PPP1R12B: variants seen among roughly 807,000 people sequenced by gnomAD.
The protein encoded by PPP1R12B is myosin phosphatase target subunit 2.
Under a neutral mutation model 126.1 loss-of-function variants are expected in PPP1R12B, and 76 were observed. The observed-to-expected ratio is 0.60, with a 90% CI of 0.50 to 0.73. The LOEUF (loss-of-function observed/expected upper bound fraction) is 0.73. Among genes scored for constraint, PPP1R12B ranks in the 30% least tolerant of loss-of-function variants. The pLI, the probability that PPP1R12B is intolerant of heterozygous loss-of-function variation, is 0.00. For missense variants in PPP1R12B, 1,052 were observed against 1,205.1 expected (o/e 0.87, Z 1.88); for synonymous variants, 356 against 434.7 (o/e 0.82, Z 2.25).
At chr1:202,418,975 T>C (rs1262484115) in intron 2 of PPP1R12B, among the ~76,000 whole-genome samples, 1 of 152,186 alleles carries the variant, frequency 6.6e-6, no homozygotes, top group Non-Finnish European at 1.5e-5. Context: ...CACTAGGAAC[T>C]CTAAATTTCA....
intron 1 of PPP1R12B, among the ~76,000 whole-genome samples, chr1:202,368,101 C>G (rs1205537562): frequency 6.6e-6 from 1 of 152,062 alleles, no homozygotes; most frequent in Non-Finnish European, 1.5e-5. Context: ...TCCCGAGTAG[C>G]TGGGATTATA....
chr1:202,390,997 C>T lies in PPP1R12B; in HGVS notation c.292-25790C>T, dbSNP rs575995893. ...GAGGATCATTTGGACCTGGAAGCATCGCTTGCAGTGAGCTGAGATCGTGCC... is the reference window on the plus strand; with the variant it reads ...GAGGATCATTTGGACCTGGAAGCATTGCTTGCAGTGAGCTGAGATCGTGCC... On this transcript the variant is annotated intron_variant, in intron 1 of 23. Coordinates refer to ENST00000608999, the MANE Select transcript of PPP1R12B (RefSeq NM_002481.4). Among the ~76,000 whole-genome samples, 3 of 152,202 alleles carry T rather than the reference C, an allele frequency of 2.0e-5. No homozygotes were observed. In the South Asian group the frequency reaches 6.2e-4, roughly 32 times the overall value.
At chr1:202,553,030 G>T (rs1030797895) in intron 18 of PPP1R12B, among the ~76,000 whole-genome samples, 20 of 152,134 alleles carry the variant, frequency 1.3e-4, no homozygotes, top group Admixed American at 9.2e-4. Flanking sequence ...CCCTTTCTAG[G>T]ATTGCCATCT....
At chr1:202,399,035 C>T (rs1665419849) in intron 1 of PPP1R12B, among the ~76,000 whole-genome samples, 1 of 151,644 alleles carries the variant, frequency 6.6e-6, no homozygotes, top group South Asian at 2.1e-4. Context: ...TCTCTAAAAC[C>T]TAGTGTTGTG....
chr1:202,416,816 G>A lies in PPP1R12B; in HGVS notation c.321G>A (p.Val107=). The part of the protein sequence containing the change: ...QACIDENLDM[V]KFLVENRANV... ...GTATTGATGAAAATTTGGACATGGTGAAGTTTCTGGTGGAGAACAGAGCCA... is the reference window on the plus strand; with the variant it reads ...GTATTGATGAAAATTTGGACATGGTAAAGTTTCTGGTGGAGAACAGAGCCA... Residue 107 remains valine, a synonymous_variant, in exon 2 of 24, where the codon GTG becomes GTA. Transcript: ENST00000608999. 1 of 1,613,922 alleles carries A rather than the reference G, an allele frequency of 6.2e-7. No homozygotes were observed. The highest frequency in any genetic ancestry group is 8.5e-7 in the Non-Finnish European group (1 of 1,179,902).
chr1:202,516,639 C>G (rs998295592), intron 18 of PPP1R12B, among the ~76,000 whole-genome samples: 1 of 152,064 alleles, frequency 6.6e-6, no homozygotes, highest in African/African-American at 2.4e-5. Flanking sequence ...AAAAAAAAAT[C>G]CTCATAAAGG....
At chr1:202,370,044 C>G (rs957406415) in intron 1 of PPP1R12B, 5 of 168,730 alleles carry the variant, frequency 3.0e-5, no homozygotes, top group African/African-American at 1.2e-4. Context: ...AATCTGCCCA[C>G]CTCACCTCCC....
chr1:202,468,404 A>G (rs111785401), intron 13 of PPP1R12B, among the ~76,000 whole-genome samples: 5 of 152,108 alleles, frequency 3.3e-5, no homozygotes. Context: ...TTTTTGTATA[A>G]GGTGTAAGGA....
intron 18 of PPP1R12B, among the ~76,000 whole-genome samples, chr1:202,501,026 C>T (rs1253518464): frequency 6.6e-6 from 1 of 152,158 alleles, no homozygotes; most frequent in African/African-American, 2.4e-5. Context: ...GTGAAACTAA[C>T]AATGAATATG....
intron 13 of PPP1R12B, among the ~76,000 whole-genome samples, chr1:202,485,873 ATAT>A (rs1678047737): frequency 1.3e-5 from 2 of 151,888 alleles, no homozygotes; most frequent in Admixed American, 1.3e-4. Flanking sequence ...GGCTATTTTA[ATAT>A]TATTATTATT....
At chr1:202,571,584 G>T (rs1688611152) in intron 23 of PPP1R12B, among the ~76,000 whole-genome samples, 1 of 152,220 alleles carries the variant, frequency 6.6e-6, no homozygotes, top group African/African-American at 2.4e-5. Context: ...CCTCCAAGGA[G>T]CTGGGACTAG....
chr1:202,354,296 C>T (rs542194983), intron 1 of PPP1R12B, among the ~76,000 whole-genome samples: 2 of 152,262 alleles, frequency 1.3e-5, no homozygotes, highest in African/African-American at 2.4e-5. Context: ...GACAGTCATT[C>T]ATCAGTTATT....
In PPP1R12B at chr1:202,450,630, A is replaced by T. The variant is rs772172944; in HGVS notation, c.1850+1459A>T. On this transcript the variant is annotated intron_variant, in intron 13 of 23. Transcript: ENST00000608999. Reference sequence around the variant, plus strand: ...TGTATTAAGAGATTGTCTTTTCTCCAATGTATGTTCTTGGCACCTTTGTCA... The same window carrying T: ...TGTATTAAGAGATTGTCTTTTCTCCTATGTATGTTCTTGGCACCTTTGTCA... Among the ~76,000 whole-genome samples the T allele has an allele frequency of 7.2e-5, 11 of 152,208 alleles. 1 individual carries two copies. The highest frequency in any genetic ancestry group is 1.6e-4 in the Non-Finnish European group (11 of 68,028).
chr1:202,448,105 G>T (rs1340251939), intron 12 of PPP1R12B, among the ~76,000 whole-genome samples: 3 of 151,436 alleles, frequency 2.0e-5, no homozygotes, highest in African/African-American at 7.3e-5. Flanking sequence ...GCTAATAATT[G>T]TGAGTAGGTG....
chr1:202,460,513 G>A (rs569627832), intron 13 of PPP1R12B, among the ~76,000 whole-genome samples: 108 of 152,170 alleles, frequency 7.1e-4, no homozygotes, highest in Non-Finnish European at 1.1e-3. Context: ...GCTAAAGACT[G>A]GCAGTTGTCA....
chr1:202,478,067 C>A (rs368940772), intron 13 of PPP1R12B, among the ~76,000 whole-genome samples: 6 of 152,114 alleles, frequency 3.9e-5, no homozygotes, highest in Admixed American at 1.3e-4. Context: ...AATGAAGAAT[C>A]CTGTAGCATT....
chr1:202,511,949 C>T (rs1681572509), intron 18 of PPP1R12B, among the ~76,000 whole-genome samples: 1 of 151,898 alleles, frequency 6.6e-6, no homozygotes, highest in African/African-American at 2.4e-5. Flanking sequence ...ATTAGACATC[C>T]AAGTTGAGAT....
chr1:202,577,722 T>C (rs12039190), intron 23 of PPP1R12B, among the ~76,000 whole-genome samples: 1 of 152,302 alleles, frequency 6.6e-6, no homozygotes, highest in East Asian at 1.9e-4. Context: ...TGAGTCCCTC[T>C]CAACCTACAG....
At chr1:202,486,437 C>T (rs1678134494) in intron 13 of PPP1R12B, among the ~76,000 whole-genome samples, 1 of 152,112 alleles carries the variant, frequency 6.6e-6, no homozygotes, top group Non-Finnish European at 1.5e-5. Context: ...TAGAAAATTT[C>T]TTAAAAAACA....
Sources: allele counts gnomAD v4.1 joint callset (sites outside exome capture counted in the v4.1 genomes callset), GRCh38; gene constraint gnomAD v4.1.1; transcripts MANE v1.5; gene names NCBI Gene and HGNC (gene_info 2026-07-23, HGNC 2026-07-21).